The following PDE3A variants were observed in gnomAD, a reference collection of about 807,000 sequenced individuals.
PDE3A encodes phosphodiesterase 3A.
In PDE3A, 43 loss-of-function variants were observed where a neutral mutation model predicts 98.3. The observed-to-expected ratio is 0.44, with a 90% CI of 0.34 to 0.56. The LOEUF (loss-of-function observed/expected upper bound fraction) is 0.56. PDE3A is among the 20% of genes least tolerant of loss of function. PDE3A has a pLI of 0.01. For synonymous variants in PDE3A, 663 were observed against 567.9 expected (o/e 1.17, Z -2.38); for missense variants, 1,427 against 1,440.7 (o/e 0.99, Z 0.15).
intron 2 of PDE3A, among the ~76,000 whole-genome samples, chr12:20,595,096 TAGA>T (rs1399358657): frequency 5.3e-5 from 8 of 152,248 alleles, no homozygotes; most frequent in African/African-American, 1.7e-4. Flanking sequence ...TTCTCATGAA[TAGA>T]AGGCCAAAGG....
At position 20,680,559 on chromosome 12, in the gene PDE3A, A is replaced by C; in HGVS notation, c.*288A>C. 6.4e-6 allele frequency: 2 copies of C among 311,576 alleles called. No homozygotes were observed. The highest frequency in any genetic ancestry group is 6.5e-5 in the East Asian group (1 of 15,452). The allele number at this position is 311,576 out of a possible 1,614,324, so 19.3% of individuals were successfully genotyped here. A position where few individuals can be genotyped will look rare whatever the true frequency, so the allele number is the denominator to read the frequency against. ...GCTCCCACATAGATACATGTAAAAC[A>C]TATTCACACCCATGCACGCACACAC... is the stretch of plus-strand genomic sequence containing the variant. On this transcript the variant is annotated 3_prime_UTR_variant, in exon 16 of 16. Transcript: ENST00000359062.
Position 20,646,594 on chromosome 12 carries a change from A to G in PDE3A, c.2356A>G (p.Ser786Gly), listed in dbSNP as rs1322298234. The change falls in exon 11 of 16, where the codon AGT becomes GGT. Residue 786 changes from serine to glycine, a missense_variant. By Grantham distance (56) the Ser-to-Gly change is moderately conservative. Transcript: ENST00000359062. ...STVINDHGST[S>G]DSDSDSGFTH... ...TGTGATTAATGATCATGGTTCAACC[A>G]GTGATTCAGGTATGTACGAAGTGAA... 1 of 1,575,818 alleles carries G rather than the reference A, an allele frequency of 6.3e-7. No individual in the cohort carries two copies. The highest frequency in any genetic ancestry group is 1.7e-5 in the Admixed American group (1 of 59,972).
At chr12:20,473,292 T>C (rs569302785) in intron 1 of PDE3A, among the ~76,000 whole-genome samples, 1 of 152,222 alleles carries the variant, frequency 6.6e-6, no homozygotes, top group East Asian at 1.9e-4. Context: ...CCTTGTCGAG[T>C]CATATTTGAA....
chr12:20,503,640 G>A lies in PDE3A; in HGVS notation c.961-53020G>A, dbSNP rs111347527. Among the ~76,000 whole-genome samples the A allele has an allele frequency of 6.7e-3, 1,013 of 151,934 alleles. 12 individuals carry two copies. The highest frequency in any genetic ancestry group is 0.023 in the African/African-American group (933 of 41,466). ...CTATTTTTTGAGACTAGAGTCAGACGTAATAATATTATTTTAAAAAAGTTG... is the reference window on the plus strand; with the variant it reads ...CTATTTTTTGAGACTAGAGTCAGACATAATAATATTATTTTAAAAAAGTTG... On this transcript the variant is annotated intron_variant, in intron 1 of 15. Transcript: ENST00000359062.
chr12:20,450,452 A>G (rs1448102095), intron 1 of PDE3A, among the ~76,000 whole-genome samples: 1 of 152,228 alleles, frequency 6.6e-6, no homozygotes, highest in Non-Finnish European at 1.5e-5. Context: ...ACATATTTCT[A>G]TTGAGCCCAC....
At chr12:20,515,575 C>T (rs1206710595) in intron 1 of PDE3A, among the ~76,000 whole-genome samples, 1 of 152,166 alleles carries the variant, frequency 6.6e-6, no homozygotes, top group African/African-American at 2.4e-5. Flanking sequence ...AACTGGGTTA[C>T]ACTGGAAAGA....
chr12:20,498,156 A>G (rs1404334892), intron 1 of PDE3A, among the ~76,000 whole-genome samples: 1 of 152,152 alleles, frequency 6.6e-6, no homozygotes, highest in Non-Finnish European at 1.5e-5. Context: ...TGTTATGTAA[A>G]CTGGTAACTA....
Position 20,680,840 on chromosome 12 carries a change from G to C in PDE3A, c.*569G>C, listed in dbSNP as rs982969694. ...TCCTGCCAACACTGTGTGTGTGTGTGTGTGTGTGTGTGTGTGTGTGTGTGT... is the reference window on the plus strand; with the variant it reads ...TCCTGCCAACACTGTGTGTGTGTGTCTGTGTGTGTGTGTGTGTGTGTGTGT... On this transcript the variant is annotated 3_prime_UTR_variant, in exon 16 of 16. Transcript: ENST00000359062. The C allele has an allele frequency of 4.6e-5, 7 of 152,910 alleles. No individual in the cohort carries two copies. The highest frequency in any genetic ancestry group is 8.6e-5 in the Non-Finnish European group (6 of 69,846). 9.5% of individuals were successfully genotyped at this position (152,910 alleles called of 1,614,324 possible).
intron 1 of PDE3A, chr12:20,551,556 C>T (rs964580377): frequency 2.6e-5 from 37 of 1,440,550 alleles, no homozygotes; most frequent in African/African-American, 1.7e-4. Context: ...TAACTAGTTA[C>T]GCGACCCCCG....
intron 15 of PDE3A, among the ~76,000 whole-genome samples, chr12:20,673,313 C>G (rs1945541771): frequency 6.7e-6 from 1 of 149,766 alleles, no homozygotes; most frequent in Non-Finnish European, 1.5e-5. Flanking sequence ...GGATCTAGAA[C>G]TGGAAATACC....
Position 20,680,427 on chromosome 12 carries a change from A to T in PDE3A, c.*156A>T. 1.3e-6 allele frequency: 1 copy of T among 766,136 alleles called. No homozygotes were observed. 47.5% of individuals were successfully genotyped at this position (766,136 alleles called of 1,614,324 possible). A position where few individuals can be genotyped will look rare whatever the true frequency, so the allele number is the denominator to read the frequency against. Reference sequence around the variant, plus strand: ...TCGCATTTTGTGTGTATATTTTTACAGTGAGGTACATTGTTAAAAACTTTT... The same window carrying T: ...TCGCATTTTGTGTGTATATTTTTACTGTGAGGTACATTGTTAAAAACTTTT... On this transcript the variant is annotated 3_prime_UTR_variant, in exon 16 of 16. Coordinates refer to ENST00000359062, the MANE Select transcript of PDE3A (RefSeq NM_000921.5).
chr12:20,529,369 A>G (rs1000225204), intron 1 of PDE3A, among the ~76,000 whole-genome samples: 1 of 152,144 alleles, frequency 6.6e-6, no homozygotes, highest in Non-Finnish European at 1.5e-5. Context: ...GAGAAAACTG[A>G]GACCCATATA....
chr12:20,568,713 A>G (rs1942722233), intron 2 of PDE3A, among the ~76,000 whole-genome samples: 2 of 152,030 alleles, frequency 1.3e-5, no homozygotes, highest in South Asian at 4.1e-4. Flanking sequence ...TGATAGCTAT[A>G]CGACTGCTTA....
intron 15 of PDE3A, among the ~76,000 whole-genome samples, chr12:20,666,979 A>G (rs1050047230): frequency 6.6e-6 from 1 of 152,154 alleles, no homozygotes; most frequent in Non-Finnish European, 1.5e-5. Flanking sequence ...TAACTGGGGT[A>G]AGATGATATC....
chr12:20,525,178 C>T (rs1411030867), intron 1 of PDE3A, among the ~76,000 whole-genome samples: 2 of 152,070 alleles, frequency 1.3e-5, no homozygotes, highest in Non-Finnish European at 2.9e-5. Context: ...GAGCCTTGGG[C>T]AAGTTATTAT....
chr12:20,422,312 C>G (rs1466625178), intron 1 of PDE3A, among the ~76,000 whole-genome samples: 1 of 151,920 alleles, frequency 6.6e-6, no homozygotes, highest in Non-Finnish European at 1.5e-5. Flanking sequence ...CCACTGCACT[C>G]CAGCCTGGGC....
rs1217686612 is a variant in PDE3A at position 20,683,615 on chromosome 12, C to G, written c.*3344C>G. 6.6e-6 allele frequency: 1 copy of G among 152,042 alleles called. No homozygotes were observed. The highest frequency in any genetic ancestry group is 2.4e-5 in the African/African-American group (1 of 41,402). 9.4% of individuals were successfully genotyped at this position (152,042 alleles called of 1,614,324 possible). ...AATATTGGTTTCCTTGATAAAAGCA[C>G]CACTTTTGCTTTTGTTAGCTGTAAT... is the stretch of plus-strand genomic sequence containing the variant. On this transcript the variant is annotated 3_prime_UTR_variant, in exon 16 of 16. Coordinates refer to ENST00000359062, the MANE Select transcript of PDE3A (RefSeq NM_000921.5).
chr12:20,576,490 A>G (rs1942935002), intron 2 of PDE3A, among the ~76,000 whole-genome samples: 1 of 152,154 alleles, frequency 6.6e-6, no homozygotes, highest in Admixed American at 6.6e-5. Flanking sequence ...TATACAACTA[A>G]TTAAAAACAG....
chr12:20,646,652 G>T (rs754092536), intron 11 of PDE3A, 49 bp downstream of exon 11: 2 of 1,397,984 alleles, frequency 1.4e-6, no homozygotes, highest in South Asian at 2.3e-5. Context: ...GGGAACAAGG[G>T]TGTTTTTGTT....
Sources: allele counts gnomAD v4.1 joint callset (sites outside exome capture counted in the v4.1 genomes callset), GRCh38; gene constraint gnomAD v4.1.1; transcripts MANE v1.5; gene names NCBI Gene and HGNC (gene_info 2026-07-23, HGNC 2026-07-21).